Variants in ADAMTS18 observed in about 807,000 individuals in gnomAD.
ADAMTS18 encodes the protein A disintegrin and metalloproteinase with thrombospondin motifs 18.
ADAMTS18 carries 157 observed loss-of-function variants against 165.9 expected under a neutral mutation model. The observed-to-expected ratio is 0.95, with a 90% CI of 0.83 to 1.08. The LOEUF is 1.08. ADAMTS18 is among the 50% of genes least tolerant of loss of function. The probability of loss-of-function intolerance (pLI) is 0.00; values close to 1 mark genes in which losing one functional copy is unlikely to be tolerated. For missense variants in ADAMTS18, 2,040 were observed against 1,534.0 expected (o/e 1.33, Z -5.51); for synonymous variants, 782 against 578.2 (o/e 1.35, Z -5.06).
intron 16 of ADAMTS18, among the ~76,000 whole-genome samples, chr16:77,313,613 C>T (rs1453296098): frequency 2.6e-5 from 4 of 152,104 alleles, no homozygotes; most frequent in South Asian, 4.2e-4. Flanking sequence ...CGGTAAAAAA[C>T]GTATTTCTCA....
At chr16:77,284,685 C>T (rs1039216781) in intron 22 of ADAMTS18, among the ~76,000 whole-genome samples, 1 of 152,130 alleles carries the variant, frequency 6.6e-6, no homozygotes, top group African/African-American at 2.4e-5. Context: ...GTCTGATCCT[C>T]CCTATGTAGC....
At chr16:77,388,264 T>A (rs1272725375) in intron 3 of ADAMTS18, among the ~76,000 whole-genome samples, 1 of 152,180 alleles carries the variant, frequency 6.6e-6, no homozygotes, top group Non-Finnish European at 1.5e-5. Flanking sequence ...TGTGCCCAGC[T>A]AATTTTTGTA....
At chr16:77,413,237 G>T (rs998480176) in intron 3 of ADAMTS18, among the ~76,000 whole-genome samples, 1 of 152,062 alleles carries the variant, frequency 6.6e-6, no homozygotes, top group Non-Finnish European at 1.5e-5. Flanking sequence ...AAGTATTCCT[G>T]AGAAAACCCT....
intron 3 of ADAMTS18, among the ~76,000 whole-genome samples, chr16:77,405,993 G>GA (rs1033684073): frequency 4.6e-5 from 7 of 151,840 alleles, no homozygotes; most frequent in Admixed American, 2.6e-4. Context: ...GCAAGCAGTA[G>GA]AAAAAAAATC....
chr16:77,419,557 C>T (rs926327786), intron 3 of ADAMTS18, among the ~76,000 whole-genome samples: 8 of 152,156 alleles, frequency 5.3e-5, no homozygotes, highest in Middle Eastern at 3.2e-3. Flanking sequence ...AAAGGGATCA[C>T]GTAATTAGGT....
intron 4 of ADAMTS18, among the ~76,000 whole-genome samples, chr16:77,366,186 T>G (rs1472403372): frequency 6.6e-6 from 1 of 152,198 alleles, no homozygotes; most frequent in Admixed American, 6.5e-5. Flanking sequence ...GGTATCCAAC[T>G]TGGCGCACAG....
intron 18 of ADAMTS18, among the ~76,000 whole-genome samples, chr16:77,296,333 T>G (rs536328468): frequency 6.6e-6 from 1 of 152,284 alleles, no homozygotes; most frequent in East Asian, 1.9e-4. Flanking sequence ...AGTTACCACT[T>G]GGCCTATACC....
chr16:77,408,699 T>A (rs2057423101), intron 3 of ADAMTS18, among the ~76,000 whole-genome samples: 1 of 152,128 alleles, frequency 6.6e-6, no homozygotes, highest in South Asian at 2.1e-4. Flanking sequence ...GTCTGTGGAG[T>A]GAGACAATTT....
chr16:77,357,725 G>C (rs2056652141), intron 8 of ADAMTS18, among the ~76,000 whole-genome samples: 1 of 152,162 alleles, frequency 6.6e-6, no homozygotes, highest in African/African-American at 2.4e-5. Context: ...TTTAGAAGAT[G>C]ATAACATATT....
intron 3 of ADAMTS18, among the ~76,000 whole-genome samples, chr16:77,383,546 T>TTTG (rs60293145): frequency 0.27 from 41,499 of 151,438 alleles, 6,048 homozygotes; most frequent in South Asian, 0.36. Context: ...CGACCTCTTT[T>TTTG]TTGTTGTTGT....
At chr16:77,428,198 C>A (rs927731441) in intron 3 of ADAMTS18, among the ~76,000 whole-genome samples, 1 of 152,150 alleles carries the variant, frequency 6.6e-6, no homozygotes, top group East Asian at 1.9e-4. Flanking sequence ...CATCTCTTCT[C>A]GGTCTCTGTA....
At chr16:77,343,155 C>T (rs1361128263) in intron 10 of ADAMTS18, among the ~76,000 whole-genome samples, 4 of 151,982 alleles carry the variant, frequency 2.6e-5, no homozygotes, top group African/African-American at 9.6e-5. Flanking sequence ...TCACTGCAAC[C>T]CCCGCCTCCT....
At chr16:77,323,083 C>T (rs2056032415) in intron 13 of ADAMTS18, among the ~76,000 whole-genome samples, 1 of 152,034 alleles carries the variant, frequency 6.6e-6, no homozygotes. Context: ...CTTCTCTTGG[C>T]CCTTAAGTCC....
At chr16:77,331,501 T>C (rs1345779310) in intron 12 of ADAMTS18, among the ~76,000 whole-genome samples, 1 of 152,178 alleles carries the variant, frequency 6.6e-6, no homozygotes, top group Non-Finnish European at 1.5e-5. Flanking sequence ...AATACTGTTA[T>C]TAAAACAATA....
intron 12 of ADAMTS18, among the ~76,000 whole-genome samples, chr16:77,333,836 A>C (rs2056230751): frequency 6.9e-6 from 1 of 145,146 alleles, no homozygotes; most frequent in South Asian, 2.1e-4. Flanking sequence ...AGTATATATT[A>C]ATAGTATAAT....
chr16:77,367,820 G>A lies in ADAMTS18; in HGVS notation c.496-97C>T, dbSNP rs376095004. On this transcript the variant is annotated intron_variant, in intron 3 of 22. Coordinates refer to ENST00000282849, the MANE Select transcript of ADAMTS18 (RefSeq NM_199355.4). ...CTGCTTCTGACTAATTCCTGTATGT[G>A]GGCACAGGAGCTAAAAGCTTCACAC... 3 of 1,382,086 alleles carry A rather than the reference G, an allele frequency of 2.2e-6. 1 individual carries two copies. The highest frequency in any genetic ancestry group is 2.3e-5 in the South Asian group (2 of 85,234). 85.6% of individuals were successfully genotyped at this position (1,382,086 alleles called of 1,614,324 possible). A position where few individuals can be genotyped will look rare whatever the true frequency, so the allele number is the denominator to read the frequency against.
chr16:77,416,699 G>A (rs1263340386), intron 3 of ADAMTS18, among the ~76,000 whole-genome samples: 3 of 152,148 alleles, frequency 2.0e-5, no homozygotes, highest in Non-Finnish European at 2.9e-5. Flanking sequence ...TTAGCAGCAT[G>A]AGAACAGACT....
chr16:77,300,536 A>T, intron 16 of ADAMTS18, 132 bp from the exon 17 acceptor site: 2 of 1,049,378 alleles, frequency 1.9e-6, no homozygotes, highest in Non-Finnish European at 2.9e-6. Flanking sequence ...CATTGTTCCC[A>T]AGTATGTTTT....
chr16:77,420,597 A>T (rs536191779), intron 3 of ADAMTS18, among the ~76,000 whole-genome samples: 16 of 152,356 alleles, frequency 1.1e-4, no homozygotes, highest in African/African-American at 3.8e-4. Flanking sequence ...TTTCACACAC[A>T]AAAGAAACTT....
Sources: allele counts gnomAD v4.1 joint callset (sites outside exome capture counted in the v4.1 genomes callset), GRCh38; gene constraint gnomAD v4.1.1; transcripts MANE v1.5; gene names NCBI Gene and HGNC (gene_info 2026-07-23, HGNC 2026-07-21).